Variants in CPEB2 observed in about 807,000 individuals in gnomAD.
CPEB2 encodes cytoplasmic polyadenylation element binding protein 2, also known as cytoplasmic polyadenylation element-binding protein 2.
In CPEB2, 56 loss-of-function variants were observed where a neutral mutation model predicts 93.6. The observed-to-expected ratio is 0.60, with a 90% CI of 0.48 to 0.75. CPEB2 has a LOEUF of 0.75. Ranked by LOEUF, CPEB2 falls within the 30% of genes least tolerant of loss-of-function variation. The pLI is 0.00. For missense variants in CPEB2, 1,579 were observed against 1,395.1 expected, an observed-to-expected ratio of 1.13 and a Z score of -2.10; for synonymous variants, 764 against 586.3, an observed-to-expected ratio of 1.30 and a Z score of -4.38.
At chr4:15,040,575 C>A in intron 6 of CPEB2, 88 bp downstream of exon 6, 2 of 1,197,510 alleles carry the variant, frequency 1.7e-6, no homozygotes, top group Non-Finnish European at 2.3e-6. Flanking sequence ...ATTTTTCATG[C>A]AATATCTGAA....
intron 6 of CPEB2, among the ~76,000 whole-genome samples, chr4:15,042,199 G>A (rs973056441): frequency 6.6e-6 from 1 of 152,038 alleles, no homozygotes; most frequent in Non-Finnish European, 1.5e-5. Flanking sequence ...TACCTGTTGT[G>A]ACTTACATTT....
intron 4 of CPEB2, 88 bp from the exon 5 acceptor site, chr4:15,033,073 C>T (rs1726281919): frequency 1.2e-6 from 1 of 841,732 alleles, no homozygotes. Context: ...TCTCTTTATG[C>T]TGCCTTTGTT....
In CPEB2 at chr4:15,004,331, A is replaced by G; in HGVS notation, c.1658A>G (p.His553Arg). ...CAGCAGAGGAACTCCTATAACCACC[A>G]CCAGGTACGGCGGGCGGCGGCCTGG... ...FLQQRNSYNH[H>R]QPLLKQSPWS... is the part of the protein sequence containing the mutation. The change falls in exon 1 of 12, where the codon CAC becomes CGC. Residue 553 changes from histidine to arginine, a missense_variant. Physicochemically the swap from His to Arg is conservative, Grantham distance 29. Transcript: ENST00000538197. The G allele has an allele frequency of 7.0e-7, 1 of 1,429,060 alleles. No individual in the cohort carries two copies. 88.5% of individuals were successfully genotyped at this position (1,429,060 alleles called of 1,614,324 possible).
chr4:15,049,060 G>GTA (rs1197551736), intron 6 of CPEB2, among the ~76,000 whole-genome samples: 1 of 151,448 alleles, frequency 6.6e-6, no homozygotes, highest in Non-Finnish European at 1.5e-5. Flanking sequence ...ATTCTTGTTA[G>GTA]TATGGCTAGT....
chr4:15,004,954 T>G (rs1722596460), intron 1 of CPEB2: 1 of 151,704 alleles, frequency 6.6e-6, no homozygotes, highest in African/African-American at 2.4e-5. Flanking sequence ...GTTTGTTTAT[T>G]CTTATTTGGC....
At position 15,003,932 on chromosome 4, in the gene CPEB2, C is replaced by T. The variant is rs1440370952; in HGVS notation, c.1259C>T (p.Pro420Leu). 3.6e-5 allele frequency: 41 copies of T among 1,131,386 alleles called. No individual in the cohort carries two copies. Among genetic ancestry groups the T allele is most frequent in the Non-Finnish European group, 4.7e-5 (41 of 877,114 alleles). 70.1% of individuals were successfully genotyped at this position (1,131,386 alleles called of 1,614,324 possible). ...QQPPQPQPQPPGSSATTPGGG... is the reference protein window; with the variant it reads ...QQPPQPQPQPLGSSATTPGGG... The stretch of plus-strand genomic sequence containing the variant: ...CCGCCCCAGCCGCAGCCGCAGCCGC[C>T]CGGCTCGTCTGCCACCACCCCGGGC... The change falls in exon 1 of 12, where the codon CCC becomes CTC. Residue 420 changes from proline (P) to leucine (L), a missense_variant. Around this residue, in one of 2 missense-constraint regions of CPEB2, gnomAD observed 1,411 missense variants for 1,056.0 expected, o/e 1.34. Transcript: ENST00000538197.
chr4:15,040,990 A>C lies in CPEB2; in HGVS notation c.2200+503A>C, dbSNP rs187898450. Reference sequence around the variant, plus strand: ...GCTTATATTTCTCTGTTTTCTAAGAATATAACCCCTTCTTTCCCTTTCTGT... The same window carrying C: ...GCTTATATTTCTCTGTTTTCTAAGACTATAACCCCTTCTTTCCCTTTCTGT... On this transcript the variant is annotated intron_variant, in intron 6 of 11. Coordinates refer to ENST00000538197, the MANE Select transcript of CPEB2 (RefSeq NM_001177382.2). 1.8e-3 allele frequency among the ~76,000 whole-genome samples: 280 copies of C among 152,218 alleles called. 4 individuals carry two copies. Among genetic ancestry groups the C allele is most frequent in the Non-Finnish European group, 1.4e-3 (94 of 68,002 alleles).
chr4:15,013,531 G>A (rs1283628011), intron 3 of CPEB2, among the ~76,000 whole-genome samples: 1 of 151,996 alleles, frequency 6.6e-6, no homozygotes, highest in Non-Finnish European at 1.5e-5. Flanking sequence ...ATGGCAGTTT[G>A]CATGAACACA....
intron 4 of CPEB2, among the ~76,000 whole-genome samples, chr4:15,018,596 T>C (rs1174610462): frequency 6.6e-6 from 1 of 151,278 alleles, no homozygotes; most frequent in African/African-American, 2.4e-5. Context: ...TTGTCTTAGA[T>C]CCACCATTTA....
intron 6 of CPEB2, among the ~76,000 whole-genome samples, chr4:15,043,635 A>G (rs969595359): frequency 6.6e-6 from 1 of 152,134 alleles, no homozygotes; most frequent in African/African-American, 2.4e-5. Flanking sequence ...AACTATTTCT[A>G]TAGCACAATA....
In CPEB2 at chr4:15,045,770, C is replaced by A. The variant is rs187392353; in HGVS notation, c.2200+5283C>A. Among the ~76,000 whole-genome samples the A allele has an allele frequency of 1.0e-3, 155 of 152,172 alleles. 1 individual carries two copies. Among genetic ancestry groups the A allele is most frequent in the Non-Finnish European group, 1.9e-4 (13 of 67,986 alleles). ...GGTGAAATAAAAAACACATCTAACT[C>A]TTGTGGTAAGAGCCTTAGGAATAAC... On this transcript the variant is annotated intron_variant, in intron 6 of 11. Transcript: ENST00000538197.
rs1273559544 is a variant in CPEB2, at chr4:15,004,348, G to A, written c.1662+13G>A. ...TAACCACCACCAGGTACGGCGGGCG[G>A]CGGCCTGGCCGCGCCGCGGGACCGG... is the stretch of plus-strand genomic sequence containing the variant. On this transcript the variant is annotated intron_variant, in intron 1 of 11. Coordinates refer to ENST00000538197, the MANE Select transcript of CPEB2 (RefSeq NM_001177382.2). 2 of 1,433,868 alleles carry A rather than the reference G, an allele frequency of 1.4e-6. No homozygotes were observed. Among genetic ancestry groups the A allele is most frequent in the Non-Finnish European group, 1.8e-6 (2 of 1,104,558 alleles). 88.8% of individuals were successfully genotyped at this position (1,433,868 alleles called of 1,614,324 possible). A position where few individuals can be genotyped will look rare whatever the true frequency, so the allele number is the denominator to read the frequency against.
At chr4:15,046,626 C>T (rs1727729305) in intron 6 of CPEB2, among the ~76,000 whole-genome samples, 1 of 152,162 alleles carries the variant, frequency 6.6e-6, no homozygotes, top group Non-Finnish European at 1.5e-5. Flanking sequence ...ATCTAAGCAC[C>T]TTTTCATGTG....
At chr4:15,037,988 C>CA (rs1346314132) in intron 5 of CPEB2, among the ~76,000 whole-genome samples, 1 of 152,114 alleles carries the variant, frequency 6.6e-6, no homozygotes, top group Non-Finnish European at 1.5e-5. Context: ...AGTGAATACA[C>CA]ACACCATTGT....
chr4:15,008,309 T>A (rs1401402936), intron 2 of CPEB2, 29 bp from the exon 3 acceptor site: 1 of 1,554,214 alleles, frequency 6.4e-7, no homozygotes, highest in African/African-American at 1.4e-5. Flanking sequence ...AACTGCTCAT[T>A]TCTGATGAAA....
At chr4:15,044,414 C>T (rs1219712001) in intron 6 of CPEB2, among the ~76,000 whole-genome samples, 3 of 152,282 alleles carry the variant, frequency 2.0e-5, no homozygotes, top group Non-Finnish European at 2.9e-5. Flanking sequence ...GTCTGCTCTA[C>T]ACCTATACCC....
chr4:15,052,517 T>C lies in CPEB2; in HGVS notation c.2304T>C (p.Asn768=), dbSNP rs773304373. 51 of 1,598,394 alleles carry C rather than the reference T, an allele frequency of 3.2e-5. No homozygotes were observed. Among genetic ancestry groups the C allele is most frequent in the Non-Finnish European group, 4.1e-5 (48 of 1,169,962 alleles). The part of the protein sequence containing the change: ...NSPTCYSAHQ[N]GERIERFSRK... ...CCACCTGTTATTCAGCTCACCAAAA[T>C]GGAGAGCGAATAGAACGCTTCTCTC... The change falls in exon 7 of 12, where the codon AAT becomes AAC. Residue 768 remains asparagine (N), a synonymous_variant. Transcript: ENST00000538197.
Position 15,003,696 on chromosome 4 carries a change from C to T in CPEB2, c.1023C>T (p.Ser341=), listed in dbSNP as rs1313110622. 1.4e-6 allele frequency: 2 copies of T among 1,452,284 alleles called. No homozygotes were observed. Among genetic ancestry groups the T allele is most frequent in the African/African-American group, 1.5e-5 (1 of 67,930 alleles). The allele number at this position is 1,452,284 out of a possible 1,614,324, so 90.0% of individuals were successfully genotyped here. A position where few individuals can be genotyped will look rare whatever the true frequency, so the allele number is the denominator to read the frequency against. The change falls in exon 1 of 12, where the codon AGC becomes AGT. Residue 341 remains serine, a synonymous_variant. Transcript: ENST00000538197. ...GGALGAGAFS[S]LQSPDLPHPG... is the part of the protein sequence containing the mutation. ...CGCTTGGCGCGGGCGCCTTCAGCAG[C>T]CTGCAGAGCCCGGACCTTCCACACC...
At chr4:15,061,940 A>T in intron 10 of CPEB2, 139 bp from the exon 11 acceptor site, 2 of 767,162 alleles carry the variant, frequency 2.6e-6, no homozygotes, top group Non-Finnish European at 4.1e-6. Context: ...TCCTTTTTTA[A>T]CAACAGCCTC....
Sources: gnomAD v4.1 joint callset for allele counts (sites outside exome capture counted in the v4.1 genomes callset) on GRCh38, gnomAD v4.1.1 for gene constraint, gnomAD v4.1.1 regional missense constraint, MANE v1.5 for transcripts, NCBI Gene and HGNC (gene_info 2026-07-23, HGNC 2026-07-21) for gene names.